SMC4: variants seen among roughly 807,000 people sequenced by gnomAD.
SMC4 encodes the protein structural maintenance of chromosomes protein 4.
SMC4 carries 87 observed loss-of-function variants against 145.6 expected under a neutral mutation model. The ratio of observed to expected loss-of-function variants is 0.60; its 90% CI spans 0.50 to 0.71. SMC4 has a LOEUF of 0.71. SMC4 is among the 30% of genes least tolerant of loss of function. The pLI, the probability that SMC4 is intolerant of heterozygous loss-of-function variation, is 0.00. For synonymous variants in SMC4, 558 were observed against 500.7 expected (o/e 1.11, Z -1.53); for missense variants, 1,447 against 1,537.1 (o/e 0.94, Z 0.98).
intron 7 of SMC4, 97 bp downstream of exon 7, chr3:160,412,550 GA>G (rs1319687983): frequency 1.1e-5 from 15 of 1,413,312 alleles, no homozygotes; most frequent in East Asian, 5.4e-5. Context: ...AGACTGAAGT[GA>G]AAAAAAATCT....
rs1009405796 is a variant in SMC4 at position 160,434,418 on chromosome 3, T to C, written c.*609T>C. The C allele has an allele frequency of 6.6e-6, 1 of 152,192 alleles. No homozygotes were observed. Among genetic ancestry groups the C allele is most frequent in the Admixed American group, 6.6e-5 (1 of 15,262 alleles). The allele number at this position is 152,192 out of a possible 1,614,324, so 9.4% of individuals were successfully genotyped here. ...AGGCTATCTCGTAAGTTGAAAAATATCCCACTATAGTTGCTTCATGAGTAT... is the reference window on the plus strand; with the variant it reads ...AGGCTATCTCGTAAGTTGAAAAATACCCCACTATAGTTGCTTCATGAGTAT... On this transcript the variant is annotated 3_prime_UTR_variant, in exon 24 of 24. Coordinates refer to ENST00000357388, the MANE Select transcript of SMC4 (RefSeq NM_001002800.3).
chr3:160,407,974 T>G lies in SMC4; in HGVS notation c.687+3470T>G, dbSNP rs192272209. 3.9e-5 allele frequency among the ~76,000 whole-genome samples: 6 copies of G among 152,256 alleles called. No homozygotes were observed. In the East Asian group the frequency reaches 1.2e-3, roughly 29 times the overall value. ...CTCTGGTAGCTTACAAAGATCAAAT[T>G]AGAGTAAAATGTATTGGAGGAAGAT... On this transcript the variant is annotated intron_variant, in intron 5 of 23. Transcript: ENST00000357388.
At chr3:160,419,153 C>T (rs1221396038) in intron 11 of SMC4, among the ~76,000 whole-genome samples, 1 of 152,118 alleles carries the variant, frequency 6.6e-6, no homozygotes, top group Non-Finnish European at 1.5e-5. Flanking sequence ...TTTATTGACC[C>T]AAGTAATTTA....
chr3:160,402,567 TGCA>T (rs1268415327), intron 3 of SMC4, 106 bp from the exon 4 acceptor site: 5 of 1,105,998 alleles, frequency 4.5e-6, no homozygotes, highest in African/African-American at 1.6e-5. Context: ...TTTAAATACT[TGCA>T]GTTTTTAACT....
intron 5 of SMC4, among the ~76,000 whole-genome samples, chr3:160,408,797 G>T (rs915559132): frequency 2.6e-5 from 4 of 152,100 alleles, no homozygotes; most frequent in Non-Finnish European, 4.4e-5. Context: ...AAGGAAGAAA[G>T]GAAATGGTAG....
intron 20 of SMC4, 33 bp downstream of exon 20, chr3:160,431,238 C>T: frequency 6.6e-7 from 1 of 1,514,336 alleles, no homozygotes; most frequent in Non-Finnish European, 8.8e-7. Flanking sequence ...TAATTTTAAA[C>T]ATATTCTTTA....
At position 160,431,759 on chromosome 3, in the gene SMC4, A is replaced by C. The variant is rs757232245; in HGVS notation, c.3231A>C (p.Ala1077=). Residue 1077 remains alanine (A), a synonymous_variant, in exon 21 of 24, where the codon GCA becomes GCC. Coordinates refer to ENST00000357388, the MANE Select transcript of SMC4 (RefSeq NM_001002800.3). ...KNPDSITNQI[A]LLEARCHEMK... The stretch of plus-strand genomic sequence containing the variant: ...CAGATTCTATAACAAATCAAATTGC[A>C]CTTTTGGAAGCCCGGTGTCATGAAA... 5.0e-6 allele frequency: 8 copies of C among 1,613,852 alleles called. No individual in the cohort carries two copies. Among genetic ancestry groups the C allele is most frequent in the Non-Finnish European group, 6.8e-6 (8 of 1,179,948 alleles).
At chr3:160,414,624 ATGT>A (rs1716399031) in intron 9 of SMC4, 107 bp downstream of exon 9, 2 of 1,106,926 alleles carry the variant, frequency 1.8e-6, no homozygotes, top group Non-Finnish European at 2.6e-6. Context: ...AGTATTCTAA[ATGT>A]TGTTTTAAGG....
Position 160,428,299 on chromosome 3 carries a change from G to A in SMC4, c.2606-454G>A, listed in dbSNP as rs576334958. Reference sequence around the variant, plus strand: ...ACTCTTCGTTGTCACAGGAAGGAACGCTAATTCATCTTATATCCTCCACTT... The same window carrying A: ...ACTCTTCGTTGTCACAGGAAGGAACACTAATTCATCTTATATCCTCCACTT... On this transcript the variant is annotated intron_variant, in intron 17 of 23. Transcript: ENST00000357388. Among the ~76,000 whole-genome samples the A allele has an allele frequency of 1.2e-4, 18 of 152,270 alleles. 1 individual carries two copies. Among genetic ancestry groups the A allele is most frequent in the Middle Eastern group, 3.4e-3 (1 of 294 alleles).
At chr3:160,428,141 T>C (rs924245043) in intron 17 of SMC4, among the ~76,000 whole-genome samples, 2 of 152,340 alleles carry the variant, frequency 1.3e-5, no homozygotes, top group Admixed American at 6.5e-5. Context: ...TCCAGACTTC[T>C]GTGTGACTGC....
intron 15 of SMC4, 47 bp downstream of exon 15, chr3:160,423,887 A>G: frequency 6.8e-7 from 1 of 1,472,978 alleles, no homozygotes; most frequent in Non-Finnish European, 9.3e-7. Context: ...TTTTTTAAAT[A>G]GCTTTACCGA....
At chr3:160,412,659 C>T in intron 7 of SMC4, 11 of 1,024,064 alleles carry the variant, frequency 1.1e-5, no homozygotes, top group South Asian at 4.6e-5. Context: ...GCTGGGAGTT[C>T]AAGACCAGCC....
rs878967504 is a variant in SMC4 at position 160,433,415 on chromosome 3, A to C, written c.3714+206A>C. 13 of 538,856 alleles carry C rather than the reference A, an allele frequency of 2.4e-5. No individual in the cohort carries two copies. The South Asian group carries it at 2.9e-4, about 12-fold the overall frequency. The allele number at this position is 538,856 out of a possible 1,614,324, so 33.4% of individuals were successfully genotyped here. On this transcript the variant is annotated intron_variant, in intron 23 of 23. Coordinates refer to ENST00000357388, the MANE Select transcript of SMC4 (RefSeq NM_001002800.3). ...TTGGAGGAGTAAAATATAAATTAAA[A>C]ATGCAAATTAGTAGCAGAATCACAG...
intron 13 of SMC4, among the ~76,000 whole-genome samples, chr3:160,421,814 A>G (rs1451463282): frequency 3.3e-5 from 5 of 152,212 alleles, no homozygotes; most frequent in Admixed American, 6.5e-5. Flanking sequence ...TTGTTCACCC[A>G]TGACCACTAT....
intron 5 of SMC4, among the ~76,000 whole-genome samples, chr3:160,409,529 A>G (rs572594464): frequency 5.4e-4 from 82 of 152,298 alleles, no homozygotes; most frequent in Non-Finnish European, 9.3e-4. Context: ...GAGAAATACA[A>G]TGTTTTTAAG....
intron 17 of SMC4, among the ~76,000 whole-genome samples, chr3:160,426,911 AG>A (rs1472291952): frequency 2.0e-5 from 3 of 152,332 alleles, no homozygotes; most frequent in African/African-American, 7.2e-5. Context: ...TTTATTCTTA[AG>A]ACAGATCCCT....
chr3:160,430,423 G>C (rs951252922), intron 18 of SMC4, among the ~76,000 whole-genome samples, 176 bp from the exon 19 acceptor site: 3 of 152,124 alleles, frequency 2.0e-5, no homozygotes, highest in African/African-American at 7.2e-5. Context: ...CATCCCATAA[G>C]TGTTTGTATA....
chr3:160,400,181 A>C (rs1714372078), intron 1 of SMC4: 1 of 152,324 alleles, frequency 6.6e-6, no homozygotes, highest in South Asian at 2.1e-4. Flanking sequence ...CAAAATTAGC[A>C]AGCGCTGCCA....
chr3:160,426,103 T>C lies in SMC4; in HGVS notation c.2508T>C (p.Asn836=). ...TAATAGAGCAAGAAGAATATTTGAATGTCCAAGTTAAGGAACTTGAAGCTA... is the reference window on the plus strand; with the variant it reads ...TAATAGAGCAAGAAGAATATTTGAACGTCCAAGTTAAGGAACTTGAAGCTA... The part of the protein sequence containing the change: ...QRLIEQEEYL[N]VQVKELEANV... The change falls in exon 17 of 24, where the codon AAT becomes AAC. Residue 836 remains asparagine, a synonymous_variant. Coordinates refer to ENST00000357388, the MANE Select transcript of SMC4 (RefSeq NM_001002800.3). 1 of 1,605,624 alleles carries C rather than the reference T, an allele frequency of 6.2e-7. No individual in the cohort carries two copies. Among genetic ancestry groups the C allele is most frequent in the Non-Finnish European group, 8.5e-7 (1 of 1,175,770 alleles).
Sources: allele counts gnomAD v4.1 joint callset (sites outside exome capture counted in the v4.1 genomes callset), GRCh38; gene constraint gnomAD v4.1.1; transcripts MANE v1.5; gene names NCBI Gene and HGNC (gene_info 2026-07-23, HGNC 2026-07-21).